The following R3HDM1 variants were observed in gnomAD, a reference collection of about 807,000 sequenced individuals.
The protein encoded by R3HDM1 is R3H domain containing 1.
Under a neutral mutation model 141.1 loss-of-function variants are expected in R3HDM1, and 46 were observed. That is an observed-to-expected ratio of 0.33 (90% CI 0.26 to 0.42). The LOEUF is 0.42. R3HDM1 is among the 10% of genes least tolerant of loss of function. The pLI is 1.00. For synonymous variants in R3HDM1, 435 were observed against 472.9 expected, an observed-to-expected ratio of 0.92 and a Z score of 1.04; for missense variants, 1,184 against 1,368.3, an observed-to-expected ratio of 0.87 and a Z score of 2.12.
rs373860066 is a variant in R3HDM1 at position 135,700,941 on chromosome 2, AC to A, written c.2460-8489del. 3.7e-3 allele frequency among the ~76,000 whole-genome samples: 569 copies of A among 152,260 alleles called. 1 individual carries two copies. Among genetic ancestry groups the A allele is most frequent in the Admixed American group, 5.8e-3 (88 of 15,298 alleles). ...TGAATGCCTGAAACCATGGAATTGAACCCTGTATGTACTATGTTTTTTCCTA... is the reference window on the plus strand; with the variant it reads ...TGAATGCCTGAAACCATGGAATTGAACCTGTATGTACTATGTTTTTTCCTA... On this transcript the variant is annotated intron_variant, in intron 21 of 26. Transcript: ENST00000683871.
chr2:135,542,761 C>T (rs771347782), intron 1 of R3HDM1, among the ~76,000 whole-genome samples: 12 of 152,166 alleles, frequency 7.9e-5, no homozygotes, highest in South Asian at 2.1e-4. Context: ...GACCATGAGA[C>T]GGCGTCTCAC....
intron 9 of R3HDM1, among the ~76,000 whole-genome samples, chr2:135,633,509 A>T (rs185603649): frequency 6.6e-6 from 1 of 152,190 alleles, no homozygotes; most frequent in Admixed American, 6.5e-5. Context: ...CTCAGCAGAG[A>T]TGCTTATAAT....
chr2:135,557,979 GC>G lies in R3HDM1; in HGVS notation c.-250+26349del, dbSNP rs372524327. Among the ~76,000 whole-genome samples the G allele has an allele frequency of 2.0e-3, 298 of 152,320 alleles. 1 individual carries two copies. Among genetic ancestry groups the G allele is most frequent in the African/African-American group, 7.0e-3 (291 of 41,574 alleles). On this transcript the variant is annotated intron_variant, in intron 1 of 26. Coordinates refer to ENST00000683871, the MANE Select transcript of R3HDM1 (RefSeq NM_001378107.1). ...TATGTAATTCTTTGAGTTGCATGGA[GC>G]CCACAGTGCTAGAGAAGTACGTATT...
chr2:135,657,200 C>T (rs7595687), intron 18 of R3HDM1, among the ~76,000 whole-genome samples: 10,403 of 151,488 alleles, frequency 0.069, 704 homozygotes, highest in African/African-American at 0.18. Flanking sequence ...GTCAGGAGTT[C>T]GAAACCAGCC....
chr2:135,722,026 T>G lies in R3HDM1; in HGVS notation c.2964+20T>G, dbSNP rs775523447. 27 of 1,595,698 alleles carry G rather than the reference T, an allele frequency of 1.7e-5. No homozygotes were observed. The highest frequency in any genetic ancestry group is 2.1e-5 in the Non-Finnish European group (25 of 1,163,372). ...CAACAGGTAGGAAAGACAACTAACC[T>G]CCTAGGCTTTGTTGCAGAACATCAT... On this transcript the variant is annotated intron_variant, in intron 25 of 26. Coordinates refer to ENST00000683871, the MANE Select transcript of R3HDM1 (RefSeq NM_001378107.1).
At chr2:135,611,250 C>T (rs572655727) in intron 3 of R3HDM1, among the ~76,000 whole-genome samples, 3 of 149,406 alleles carry the variant, frequency 2.0e-5, no homozygotes, top group South Asian at 4.7e-4. Context: ...GGCAAATCCC[C>T]ATCTCTACAA....
intron 21 of R3HDM1, among the ~76,000 whole-genome samples, chr2:135,687,695 C>T (rs756612127): frequency 9.9e-5 from 15 of 152,098 alleles, no homozygotes; most frequent in Non-Finnish European, 1.6e-4. Flanking sequence ...GACTTTTTTC[C>T]TGATTAATAT....
chr2:135,536,988 T>TCTAC (rs1380462030), intron 1 of R3HDM1, among the ~76,000 whole-genome samples: 1 of 152,020 alleles, frequency 6.6e-6, no homozygotes, highest in African/African-American at 2.4e-5. Flanking sequence ...GCCTGCACCA[T>TCTAC]CTGGGGAAAA....
chr2:135,670,794 A>T (rs1293469183), intron 19 of R3HDM1, among the ~76,000 whole-genome samples: 1 of 152,142 alleles, frequency 6.6e-6, no homozygotes, highest in African/African-American at 2.4e-5. Flanking sequence ...GCCGTGGCAC[A>T]CCCCTATAAT....
chr2:135,631,853 G>A lies in R3HDM1; in HGVS notation c.558-8G>A, dbSNP rs199961170. 27 of 1,601,198 alleles carry A rather than the reference G, an allele frequency of 1.7e-5. No homozygotes were observed. Among genetic ancestry groups the A allele is most frequent in the Non-Finnish European group, 2.1e-5 (25 of 1,174,962 alleles). On this transcript the variant is annotated splice_region_variant and splice_polypyrimidine_tract_variant and intron_variant, in intron 8 of 26. Coordinates refer to ENST00000683871, the MANE Select transcript of R3HDM1 (RefSeq NM_001378107.1). ...GACTTACTAAGTTGGTTTTTCTTGT[G>A]CTTCTAGGTCTCCACGTAAAAAATT... is the stretch of plus-strand genomic sequence containing the variant.
At position 135,616,740 on chromosome 2, in the gene R3HDM1, A is replaced by G. The variant is rs2061053247; in HGVS notation, c.286A>G (p.Ile96Val). The change falls in exon 5 of 27, where the codon ATA becomes GTA. Residue 96 changes from isoleucine to valine, a missense_variant. Ile to Val is a conservative substitution (Grantham distance 29). Coordinates refer to ENST00000683871, the MANE Select transcript of R3HDM1 (RefSeq NM_001378107.1). ...ATCTCCACCACCCCCTGCACCAGAG[A>G]TATCACAGGAGAACCAGGTAAAAAA... ...EESPPPPAPEISQENQEKIQI... is the reference protein window; with the variant it reads ...EESPPPPAPEVSQENQEKIQI... 6.2e-7 allele frequency: 1 copy of G among 1,604,774 alleles called. No homozygotes were observed. Among genetic ancestry groups the G allele is most frequent in the Non-Finnish European group, 8.5e-7 (1 of 1,173,570 alleles).
In R3HDM1 at chr2:135,641,767, G is replaced by A. The variant is rs2063810866; in HGVS notation, c.1451G>A (p.Ser484Asn). The change falls in exon 15 of 27, where the codon AGT (serine) becomes AAT (asparagine). Residue 484 changes from serine (S) to asparagine (N), a missense_variant. Around this residue, in one of 5 missense-constraint regions of R3HDM1, gnomAD observed 563 missense variants for 562.0 expected, o/e 1.00. Transcript: ENST00000683871. ...GAAGCGGCAGGCATACCACCTGGCA[G>A]TATTCTGATCAACCCACAAACAGGT... ...PLEAAGIPPG[S>N]ILINPQTGQP... is the part of the protein sequence containing the mutation. 6.2e-7 allele frequency: 1 copy of A among 1,613,960 alleles called. No individual in the cohort carries two copies. The highest frequency in any genetic ancestry group is 8.5e-7 in the Non-Finnish European group (1 of 1,179,942).
chr2:135,626,181 T>G (rs200223244), intron 7 of R3HDM1, among the ~76,000 whole-genome samples: 47 of 135,824 alleles, frequency 3.5e-4, no homozygotes, highest in Admixed American at 3.3e-3. Context: ...AACTGCTTGC[T>G]TGCGTGCGTG....
At chr2:135,615,790 T>C (rs1196709932) in intron 3 of R3HDM1, among the ~76,000 whole-genome samples, 1 of 152,216 alleles carries the variant, frequency 6.6e-6, no homozygotes, top group African/African-American at 2.4e-5. Context: ...TCTTTTTCCT[T>C]AACCTTGGCT....
Position 135,657,326 on chromosome 2 carries a change from G to C in R3HDM1, c.2029-3944G>C, listed in dbSNP as rs568399656. Among the ~76,000 whole-genome samples the C allele has an allele frequency of 2.0e-5, 3 of 151,112 alleles. No individual in the cohort carries two copies. In the East Asian group the frequency reaches 5.8e-4, roughly 29 times the overall value. ...CTCGGGAGACTGAGGCAGGATAATTGCTTGAACCTGGAAGGTGGAGGTTGC... is the reference window on the plus strand; with the variant it reads ...CTCGGGAGACTGAGGCAGGATAATTCCTTGAACCTGGAAGGTGGAGGTTGC... On this transcript the variant is annotated intron_variant, in intron 18 of 26. Coordinates refer to ENST00000683871, the MANE Select transcript of R3HDM1 (RefSeq NM_001378107.1).
At chr2:135,672,586 T>A (rs964000344) in intron 19 of R3HDM1, among the ~76,000 whole-genome samples, 1 of 152,228 alleles carries the variant, frequency 6.6e-6, no homozygotes, top group Non-Finnish European at 1.5e-5. Context: ...ATTTCAAAGA[T>A]AGGGACCATG....
Position 135,723,980 on chromosome 2 carries a change from A to C in R3HDM1, c.3093A>C (p.Ile1031=). 6.2e-7 allele frequency: 1 copy of C among 1,613,978 alleles called. No homozygotes were observed. The highest frequency in any genetic ancestry group is 8.5e-7 in the Non-Finnish European group (1 of 1,179,970). ...VLEITELPDG[I]TRMEAEKLFG... Reference sequence around the variant, plus strand: ...AAATTACTGAACTACCAGATGGAATAACTCGCATGGAAGCTGAAAAGCTTT... The same window carrying C: ...AAATTACTGAACTACCAGATGGAATCACTCGCATGGAAGCTGAAAAGCTTT... Residue 1031 remains isoleucine (I), a synonymous_variant, in exon 27 of 27, where the codon ATA becomes ATC. Coordinates refer to ENST00000683871, the MANE Select transcript of R3HDM1 (RefSeq NM_001378107.1).
At chr2:135,534,386 A>T (rs1215719626) in intron 1 of R3HDM1, among the ~76,000 whole-genome samples, 1 of 152,222 alleles carries the variant, frequency 6.6e-6, no homozygotes. Context: ...ATGTGACTAC[A>T]GTTTTGTTGC....
chr2:135,676,356 T>G (rs1425088699), intron 20 of R3HDM1, among the ~76,000 whole-genome samples: 1 of 152,220 alleles, frequency 6.6e-6, no homozygotes, highest in Non-Finnish European at 1.5e-5. Context: ...TTTATAGTTC[T>G]AAAGCAGAAA....
Sources: gnomAD v4.1 joint callset for allele counts (sites outside exome capture counted in the v4.1 genomes callset) on GRCh38, gnomAD v4.1.1 for gene constraint, gnomAD v4.1.1 regional missense constraint, MANE v1.5 for transcripts, NCBI Gene and HGNC (gene_info 2026-07-23, HGNC 2026-07-21) for gene names.